Variants in INO80B observed in about 807,000 individuals in gnomAD.
INO80B encodes INO80 complex subunit B.
In INO80B, 18 loss-of-function variants were observed where a neutral mutation model predicts 31.4. The observed-to-expected ratio is 0.57, with a 90% CI of 0.40 to 0.85. The LOEUF is 0.85. Ranked by LOEUF, INO80B falls within the 40% of genes least tolerant of loss-of-function variation. INO80B has a pLI of 0.00. For synonymous variants in INO80B, 238 were observed against 199.0 expected, an observed-to-expected ratio of 1.20 and a Z score of -1.65; for missense variants, 469 against 475.4, an observed-to-expected ratio of 0.99 and a Z score of 0.13.
rs778199534 is a variant in INO80B, at chr2:74,455,307, G to A, written c.59-99G>A. The A allele has an allele frequency of 2.0e-6, 3 of 1,536,186 alleles. No homozygotes were observed. In the South Asian group the frequency reaches 3.4e-5, roughly 17 times the overall value. ...GGTGCTGTTGTTATGGTAACAGCGAGTACTGCGGGAAGGGTGGGATCCAGT... is the reference window on the plus strand; with the variant it reads ...GGTGCTGTTGTTATGGTAACAGCGAATACTGCGGGAAGGGTGGGATCCAGT... On this transcript the variant is annotated intron_variant, in intron 1 of 4. Coordinates refer to ENST00000233331, the MANE Select transcript of INO80B (RefSeq NM_031288.4).
In INO80B at chr2:74,457,333, G is replaced by A; in HGVS notation, c.541-1G>A. ...AGCACCCCGTCTCTGTCTCTCCCTAGCGAGCTCTGCTCCAGAAGGCGCGGA... is the reference window on the plus strand; with the variant it reads ...AGCACCCCGTCTCTGTCTCTCCCTAACGAGCTCTGCTCCAGAAGGCGCGGA... On this transcript the variant is annotated splice_acceptor_variant, in intron 4 of 4. Coordinates refer to ENST00000233331, the MANE Select transcript of INO80B (RefSeq NM_031288.4). LOFTEE classifies it high-confidence loss of function. 1 of 1,604,550 alleles carries A rather than the reference G, an allele frequency of 6.2e-7. No individual in the cohort carries two copies. The highest frequency in any genetic ancestry group is 8.5e-7 in the Non-Finnish European group (1 of 1,176,270).
In INO80B at chr2:74,457,600, G is replaced by A. The variant is rs1469679909; in HGVS notation, c.807G>A (p.Pro269=). The A allele has an allele frequency of 1.9e-6, 3 of 1,540,458 alleles. No homozygotes were observed. The highest frequency in any genetic ancestry group is 1.2e-5 in the South Asian group (1 of 84,060). The change falls in exon 5 of 5, where the codon CCG becomes CCA. Residue 269 remains proline, a synonymous_variant. Transcript: ENST00000233331. ...GERRGGRAAA[P]APMVRYCSGA... is the part of the protein sequence containing the mutation. The stretch of plus-strand genomic sequence containing the variant: ...GGCGGGGAGGGCGGGCTGCGGCTCC[G>A]GCCCCCATGGTGCGCTACTGCAGCG...
At chr2:74,455,778 A>G (rs767233183) in intron 2 of INO80B, 40 bp from the exon 3 acceptor site, 3 of 1,474,884 alleles carry the variant, frequency 2.0e-6, no homozygotes, top group Non-Finnish European at 2.8e-6. Flanking sequence ...GGAGGAGGAG[A>G]CGCTTGCTCA....
rs769931354 is a variant in INO80B, at chr2:74,457,471, G to A, written c.678G>A (p.Gln226=). 6.6e-5 allele frequency: 103 copies of A among 1,556,480 alleles called. No individual in the cohort carries two copies. The highest frequency in any genetic ancestry group is 8.6e-5 in the Non-Finnish European group (99 of 1,150,648). Residue 226 remains glutamine (Q), a synonymous_variant, in exon 5 of 5, where the codon CAG becomes CAA. Coordinates refer to ENST00000233331, the MANE Select transcript of INO80B (RefSeq NM_031288.4). ...REERARKRRL[Q]AARRAEEHKN... ...AGCGGGCGCGGAAGCGGCGGCTCCA[G>A]GCGGCGCGGCGGGCAGAAGAGCACA...
rs754178445 is a variant in INO80B at position 74,457,851 on chromosome 2, T to C, written c.1058T>C (p.Leu353Pro). Residue 353 changes from leucine (L) to proline (P), a missense_variant, in exon 5 of 5, where the codon CTT (leucine) becomes CCT (proline). By Grantham distance (98) the Leu-to-Pro change is moderately conservative. This residue lies in a region of INO80B where 201 missense variants were observed against 151.7 expected (regional missense o/e 1.32). Coordinates refer to ENST00000233331, the MANE Select transcript of INO80B (RefSeq NM_031288.4). ...LGGPEGPGSP[L>P]LAT is the part of the protein sequence containing the mutation. The stretch of plus-strand genomic sequence containing the variant: ...GGGCCCGAGGGTCCTGGATCCCCCC[T>C]TTTGGCTACGTAAGGCCCTTAACCC... 1.3e-6 allele frequency: 2 copies of C among 1,558,892 alleles called. No individual in the cohort carries two copies. The highest frequency in any genetic ancestry group is 2.7e-5 in the African/African-American group (2 of 73,266).
In INO80B at chr2:74,457,746, G is replaced by T. The variant is rs1243255110; in HGVS notation, c.953G>T (p.Arg318Leu). ...TCTGTCCCCGGCTGTCCCCATCCGC[G>T]CCGCTACGCTTGCTCCCGCACAGGC... ...RCSVPGCPHPRRYACSRTGQA... is the reference protein window; with the variant it reads ...RCSVPGCPHPLRYACSRTGQA... Residue 318 changes from arginine to leucine, a missense_variant, in exon 5 of 5, where the codon CGC becomes CTC. By Grantham distance (102) the Arg-to-Leu change is moderately radical (BLOSUM62 -2). Around this residue, in one of 3 missense-constraint regions of INO80B, gnomAD observed 201 missense variants for 151.7 expected, o/e 1.32. Transcript: ENST00000233331. 4 of 1,600,008 alleles carry T rather than the reference G, an allele frequency of 2.5e-6. No individual in the cohort carries two copies. The highest frequency in any genetic ancestry group is 3.3e-5 in the Admixed American group (2 of 59,954).
Position 74,455,521 on chromosome 2 carries a change from G to GCCCACGCAGCCGTC in INO80B, c.178_191dup (p.Ala65ArgfsTer31). On this transcript the variant is annotated frameshift_variant, in exon 2 of 5. Coordinates refer to ENST00000233331, the MANE Select transcript of INO80B (RefSeq NM_031288.4). LOFTEE classifies it high-confidence loss of function. ...AACACCATCAGGAAGAAGACGCCGG[G>GCCCACGCAGCCGTC]CCCACGCAGCCGTCCCCTGCCAAGC... 1 of 1,614,146 alleles carries GCCCACGCAGCCGTC rather than the reference G, an allele frequency of 6.2e-7. No individual in the cohort carries two copies. The highest frequency in any genetic ancestry group is 8.5e-7 in the Non-Finnish European group (1 of 1,180,034).
chr2:74,457,809 T>A lies in INO80B; in HGVS notation c.1016T>A (p.Leu339Gln). 6.3e-7 allele frequency: 1 copy of A among 1,590,260 alleles called. No homozygotes were observed. The highest frequency in any genetic ancestry group is 8.5e-7 in the Non-Finnish European group (1 of 1,176,070). Residue 339 changes from leucine (L) to glutamine (Q), a missense_variant, in exon 5 of 5, where the codon CTG (leucine) becomes CAG (glutamine). Transcript: ENST00000233331. Reference protein sequence around the residue: ...LCSLQCYRINLQMRLGGPEGP... With the variant: ...LCSLQCYRINQQMRLGGPEGP... Reference sequence around the variant, plus strand: ...AGTCTTCAGTGCTACCGCATCAACCTGCAGATGCGGCTGGGGGGGCCCGAG... The same window carrying A: ...AGTCTTCAGTGCTACCGCATCAACCAGCAGATGCGGCTGGGGGGGCCCGAG...
chr2:74,457,794 G>A lies in INO80B; in HGVS notation c.1001G>A (p.Cys334Tyr). 1 of 1,594,028 alleles carries A rather than the reference G, an allele frequency of 6.3e-7. No individual in the cohort carries two copies. The highest frequency in any genetic ancestry group is 8.5e-7 in the Non-Finnish European group (1 of 1,177,718). ...GGCCAGGCACTCTGTAGTCTTCAGT[G>A]CTACCGCATCAACCTGCAGATGCGG... is the stretch of plus-strand genomic sequence containing the variant. Reference protein sequence around the residue: ...RTGQALCSLQCYRINLQMRLG... With the variant: ...RTGQALCSLQYYRINLQMRLG... The change falls in exon 5 of 5, where the codon TGC (cysteine) becomes TAC (tyrosine). Residue 334 changes from cysteine (C) to tyrosine (Y), a missense_variant. This residue lies in a region of INO80B where 201 missense variants were observed against 151.7 expected (regional missense o/e 1.32). Coordinates refer to ENST00000233331, the MANE Select transcript of INO80B (RefSeq NM_031288.4).
rs1671693578 is a variant in INO80B, at chr2:74,456,230, C to A, written c.498C>A (p.Asp166Glu). Residue 166 changes from aspartate (D) to glutamate (E), a missense_variant, in exon 4 of 5, where the codon GAC (aspartate) becomes GAA (glutamate). This residue lies in a region of INO80B where 223 missense variants were observed against 253.4 expected (regional missense o/e 0.88). Transcript: ENST00000233331. ...AGGGGGAGCTGGATGACAATGGAGA[C>A]CTCAAGAAGGAGATCAATGAGCGGC... The part of the protein sequence containing the change: ...LEKGELDDNG[D>E]LKKEINERLL... 6.2e-7 allele frequency: 1 copy of A among 1,614,132 alleles called. No homozygotes were observed.
rs1671740068 is a variant in INO80B, at chr2:74,457,584, G to A, written c.791G>A (p.Gly264Glu). Reference protein sequence around the residue: ...RGGARGERRGGRAAAPAPMVR... With the variant: ...RGGARGERRGERAAAPAPMVR... Reference sequence around the variant, plus strand: ...GGCGCACGGGGCGAGCGGCGGGGAGGGCGGGCTGCGGCTCCGGCCCCCATG... The same window carrying A: ...GGCGCACGGGGCGAGCGGCGGGGAGAGCGGGCTGCGGCTCCGGCCCCCATG... The change falls in exon 5 of 5, where the codon GGG becomes GAG. Residue 264 changes from glycine (G) to glutamate (E), a missense_variant. Physicochemically the swap from Gly to Glu is moderately conservative, Grantham distance 98. This residue lies in a region of INO80B where 201 missense variants were observed against 151.7 expected (regional missense o/e 1.32). Coordinates refer to ENST00000233331, the MANE Select transcript of INO80B (RefSeq NM_031288.4). 1.3e-6 allele frequency: 2 copies of A among 1,520,126 alleles called. No individual in the cohort carries two copies. Among genetic ancestry groups the A allele is most frequent in the East Asian group, 5.0e-5 (2 of 40,174 alleles). The allele number at this position is 1,520,126 out of a possible 1,614,324, so 94.2% of individuals were successfully genotyped here.
At chr2:74,455,262 C>A in intron 1 of INO80B, 88 bp downstream of exon 1, 1 of 1,555,384 alleles carries the variant, frequency 6.4e-7, no homozygotes, top group Non-Finnish European at 8.9e-7. Flanking sequence ...ACTTCGGCCA[C>A]AGGTGGCAAG....
In INO80B at chr2:74,457,531, G is replaced by T; in HGVS notation, c.738G>T (p.Ala246=). ...CTATCGAGCGCCTCACCAAGACTGC[G>T]GCGACCAGTGGGCGGGGAGGCCGGG... ...NQTIERLTKT[A]ATSGRGGRGG... is the part of the protein sequence containing the mutation. Residue 246 remains alanine (A), a synonymous_variant, in exon 5 of 5, where the codon GCG becomes GCT. Coordinates refer to ENST00000233331, the MANE Select transcript of INO80B (RefSeq NM_031288.4). 6.5e-7 allele frequency: 1 copy of T among 1,528,854 alleles called. No individual in the cohort carries two copies. The highest frequency in any genetic ancestry group is 8.8e-7 in the Non-Finnish European group (1 of 1,139,448). 94.7% of individuals were successfully genotyped at this position (1,528,854 alleles called of 1,614,324 possible). A position where few individuals can be genotyped will look rare whatever the true frequency, so the allele number is the denominator to read the frequency against.
chr2:74,455,106 C>T lies in INO80B; in HGVS notation c.-11C>T. On this transcript the variant is annotated 5_prime_UTR_variant, in exon 1 of 5. Transcript: ENST00000233331. ...CCAACCATTTCTAGTCCCCTTTCCT[C>T]GCAGGACCTCATGAGTAAGCTGTGG... 2 of 1,614,112 alleles carry T rather than the reference C, an allele frequency of 1.2e-6. No individual in the cohort carries two copies. The highest frequency in any genetic ancestry group is 2.7e-5 in the African/African-American group (2 of 75,060).
In INO80B at chr2:74,457,556, G is replaced by C; in HGVS notation, c.763G>C (p.Gly255Arg). 6.6e-7 allele frequency: 1 copy of C among 1,518,296 alleles called. No individual in the cohort carries two copies. Among genetic ancestry groups the C allele is most frequent in the East Asian group, 2.5e-5 (1 of 39,840 alleles). 94.1% of individuals were successfully genotyped at this position (1,518,296 alleles called of 1,614,324 possible). The part of the protein sequence containing the change: ...TAATSGRGGR[G>R]GARGERRGGR... ...GGCGACCAGTGGGCGGGGAGGCCGG[G>C]GGGGCGCACGGGGCGAGCGGCGGGG... The change falls in exon 5 of 5, where the codon GGG (glycine) becomes CGG (arginine). Residue 255 changes from glycine to arginine, a missense_variant. Coordinates refer to ENST00000233331, the MANE Select transcript of INO80B (RefSeq NM_031288.4).
chr2:74,456,304 A>G, intron 4 of INO80B, 32 bp downstream of exon 4: 1 of 1,611,482 alleles, frequency 6.2e-7, no homozygotes, highest in African/African-American at 1.3e-5. Flanking sequence ...TCACTCACCA[A>G]ATGTATACAG....
chr2:74,457,061 C>A (rs1303979604), intron 4 of INO80B, among the ~76,000 whole-genome samples: 1 of 152,194 alleles, frequency 6.6e-6, no homozygotes, highest in Non-Finnish European at 1.5e-5. Flanking sequence ...GTGCACAGGT[C>A]AGGCAGGTAA....
In INO80B at chr2:74,455,830, C is replaced by T. The variant is rs2103959333; in HGVS notation, c.264C>T (p.Phe88=). 1 of 1,608,264 alleles carries T rather than the reference C, an allele frequency of 6.2e-7. No individual in the cohort carries two copies. The highest frequency in any genetic ancestry group is 8.5e-7 in the Non-Finnish European group (1 of 1,174,758). The change falls in exon 3 of 5, where the codon TTC becomes TTT. Residue 88 remains phenylalanine, a synonymous_variant. Transcript: ENST00000233331. ...TGCTTCTCTGCAGTGTTCCTACCTT[C>T]ACTGTGATCCCAGAGGGGCCTCGCT... is the stretch of plus-strand genomic sequence containing the variant. ...QVLGTKSVPT[F]TVIPEGPRSP...
intron 1 of INO80B, 24 bp downstream of exon 1, chr2:74,455,198 T>G (rs1210628792): frequency 1.9e-6 from 3 of 1,613,112 alleles, no homozygotes; most frequent in Middle Eastern, 3.3e-4. Flanking sequence ...GATCAAGCAA[T>G]TTAGGTCGTG....
Sources: allele counts gnomAD v4.1 joint callset (sites outside exome capture counted in the v4.1 genomes callset), GRCh38; gene constraint gnomAD v4.1.1; regional missense constraint gnomAD v4.1.1; transcripts MANE v1.5; gene names NCBI Gene and HGNC (gene_info 2026-07-23, HGNC 2026-07-21).